The following FMN1 variants were observed in gnomAD, a reference collection of about 807,000 sequenced individuals.
The protein encoded by FMN1 is formin-1.
A neutral mutation model predicts 132.4 loss-of-function variants in FMN1; 110 were observed. The ratio of observed to expected loss-of-function variants is 0.83; its 90% CI spans 0.71 to 0.97. The LOEUF is 0.97. Ranked by LOEUF, FMN1 falls within the 50% of genes least tolerant of loss-of-function variation. The probability of loss-of-function intolerance (pLI) is 0.00; values close to 1 mark genes in which losing one functional copy is unlikely to be tolerated. For missense variants in FMN1, 1,792 were observed against 1,705.3 expected (o/e 1.05, Z -0.90); for synonymous variants, 722 against 651.7 (o/e 1.11, Z -1.64).
chr15:32,872,072 C>T (rs2059529277), intron 16 of FMN1, among the ~76,000 whole-genome samples: 1 of 150,166 alleles, frequency 6.7e-6, no homozygotes, highest in South Asian at 2.1e-4. Context: ...CCTAATGTGT[C>T]ACGTTTAATT....
chr15:33,053,031 G>A (rs1485308378), intron 6 of FMN1, among the ~76,000 whole-genome samples: 1 of 151,986 alleles, frequency 6.6e-6, no homozygotes, highest in Non-Finnish European at 1.5e-5. Flanking sequence ...TCTGCTGAAA[G>A]TTGTTCCATT....
chr15:33,138,680 AG>A (rs1045204248), intron 4 of FMN1, among the ~76,000 whole-genome samples: 3 of 152,166 alleles, frequency 2.0e-5, no homozygotes, highest in Non-Finnish European at 4.4e-5. Context: ...TCTAAAACAC[AG>A]GGTTCTTCTA....
At chr15:33,003,685 A>G (rs1401258900) in intron 7 of FMN1, among the ~76,000 whole-genome samples, 2 of 152,198 alleles carry the variant, frequency 1.3e-5, no homozygotes, top group Non-Finnish European at 2.9e-5. Context: ...CAGAATTGGA[A>G]AAAACTACTT....
intron 7 of FMN1, among the ~76,000 whole-genome samples, chr15:33,001,530 A>C (rs2140911608): frequency 6.6e-6 from 1 of 151,290 alleles, no homozygotes; most frequent in African/African-American, 2.4e-5. Context: ...AGTTTTGTCC[A>C]AGTGCGTCCC....
intron 5 of FMN1, among the ~76,000 whole-genome samples, chr15:33,072,642 G>A (rs1053997122): frequency 2.0e-5 from 3 of 152,144 alleles, no homozygotes; most frequent in Non-Finnish European, 4.4e-5. Context: ...ATCAGTCTAG[G>A]CTGGGCACAG....
At chr15:32,910,142 A>T (rs2060521836) in intron 11 of FMN1, among the ~76,000 whole-genome samples, 1 of 152,230 alleles carries the variant, frequency 6.6e-6, no homozygotes, top group Non-Finnish European at 1.5e-5. Context: ...TCAGAAGTAG[A>T]CACCAGTGCA....
intron 3 of FMN1, among the ~76,000 whole-genome samples, chr15:33,166,495 T>G (rs1965114635): frequency 6.6e-6 from 1 of 152,206 alleles, no homozygotes; most frequent in Non-Finnish European, 1.5e-5. Flanking sequence ...CACTACTTTG[T>G]AAAGATTTCT....
chr15:33,128,501 G>A (rs754795708), intron 4 of FMN1, among the ~76,000 whole-genome samples: 7 of 152,174 alleles, frequency 4.6e-5, no homozygotes, highest in Admixed American at 1.3e-4. Flanking sequence ...AGTTCTCAGA[G>A]TCATTACACT....
chr15:33,122,099 G>A (rs1962617935), intron 4 of FMN1, among the ~76,000 whole-genome samples: 1 of 152,164 alleles, frequency 6.6e-6, no homozygotes, highest in Admixed American at 6.5e-5. Context: ...GTGCAGGAAA[G>A]GGCCTGGGAA....
chr15:32,962,334 G>A (rs537106892), intron 9 of FMN1, among the ~76,000 whole-genome samples: 2 of 152,032 alleles, frequency 1.3e-5, no homozygotes, highest in African/African-American at 4.8e-5. Flanking sequence ...TTTATACAAA[G>A]ATCAATTCAA....
rs576849813 is a variant in FMN1, at chr15:33,003,938, T to C, written c.2223+4076A>G. On this transcript the variant is annotated intron_variant, in intron 7 of 20. Coordinates refer to ENST00000616417, the MANE Select transcript of FMN1 (RefSeq NM_001277313.2). ...TGACAAACCTAACAAAAACAAGCAATGGGGAAAGGAATCCCTATTTAATAA... is the reference window on the plus strand; with the variant it reads ...TGACAAACCTAACAAAAACAAGCAACGGGGAAAGGAATCCCTATTTAATAA... 1.9e-3 allele frequency among the ~76,000 whole-genome samples: 288 copies of C among 152,216 alleles called. 2 individuals carry two copies. Among genetic ancestry groups the C allele is most frequent in the African/African-American group, 6.8e-3 (282 of 41,530 alleles).
At chr15:32,986,652 T>A (rs2033089258) in intron 7 of FMN1, among the ~76,000 whole-genome samples, 3 of 152,116 alleles carry the variant, frequency 2.0e-5, no homozygotes, top group African/African-American at 7.2e-5. Flanking sequence ...TTACTAGATG[T>A]TTAATGATAC....
At chr15:33,185,017 G>A (rs1262593524) in intron 2 of FMN1, among the ~76,000 whole-genome samples, 3 of 152,128 alleles carry the variant, frequency 2.0e-5, no homozygotes, top group African/African-American at 4.8e-5. Context: ...AAAGCTTCAC[G>A]ATACCAGACT....
chr15:32,912,541 T>A (rs2060587051), intron 10 of FMN1, among the ~76,000 whole-genome samples: 1 of 152,152 alleles, frequency 6.6e-6, no homozygotes, highest in South Asian at 2.1e-4. Context: ...TAATTTCAGA[T>A]AACAATTTAC....
intron 19 of FMN1, among the ~76,000 whole-genome samples, chr15:32,779,307 T>C (rs1458196694): frequency 1.3e-5 from 2 of 152,228 alleles, no homozygotes; most frequent in Non-Finnish European, 2.9e-5. Flanking sequence ...GGGTGAATTT[T>C]ATGATATGTA....
chr15:32,940,028 C>T (rs1324439402), intron 9 of FMN1, among the ~76,000 whole-genome samples: 2 of 152,162 alleles, frequency 1.3e-5, no homozygotes, highest in African/African-American at 4.8e-5. Context: ...TATTAGCATT[C>T]TGTGCTATTT....
chr15:33,054,405 A>C (rs1277648224), intron 6 of FMN1, among the ~76,000 whole-genome samples: 24 of 152,172 alleles, frequency 1.6e-4, no homozygotes, highest in Admixed American at 1.6e-3. Context: ...TTAAGTCCTC[A>C]ACTATGACTA....
Position 33,154,541 on chromosome 15 carries a change from C to T in FMN1, c.374G>A (p.Ser125Asn), listed in dbSNP as rs1003906530. 3.3e-6 allele frequency: 5 copies of T among 1,536,024 alleles called. No individual in the cohort carries two copies. The highest frequency in any genetic ancestry group is 1.4e-5 in the African/African-American group (1 of 73,056). The change falls in exon 4 of 21, where the codon AGC becomes AAC. Residue 125 changes from serine to asparagine, a missense_variant. Ser to Asn is a conservative substitution (Grantham distance 46). Coordinates refer to ENST00000616417, the MANE Select transcript of FMN1 (RefSeq NM_001277313.2). Reference sequence around the variant, plus strand: ...GAAACAGTCATCCTCGGGGGCCAGGCTCACGGACAGCTCTTGCAGCTTCCC... The same window carrying T: ...GAAACAGTCATCCTCGGGGGCCAGGTTCACGGACAGCTCTTGCAGCTTCCC... ...QEGKLQELSV[S>N]LAPEDDCFQS...
chr15:33,146,427 G>T (rs566520360), intron 4 of FMN1, among the ~76,000 whole-genome samples: 1 of 151,932 alleles, frequency 6.6e-6, no homozygotes, highest in African/African-American at 2.4e-5. Flanking sequence ...ATCCAACATC[G>T]TTCCAGGACC....
Sources: allele counts gnomAD v4.1 joint callset (sites outside exome capture counted in the v4.1 genomes callset), GRCh38; gene constraint gnomAD v4.1.1; transcripts MANE v1.5; gene names NCBI Gene and HGNC (gene_info 2026-07-23, HGNC 2026-07-21).